The following PCDH11Y variants were observed in gnomAD, a reference collection of about 807,000 sequenced individuals.
PCDH11Y encodes protocadherin-11 Y-linked.
For synonymous variants in PCDH11Y, 9 were observed against 83.6 expected (o/e 0.11, Z 4.87); for missense variants, 12 against 224.8 (o/e 0.05, Z 6.05).
At position 5,093,864 on chromosome Y, in the gene PCDH11Y, G is replaced by A. The variant is rs2563366; in HGVS notation, c.637-4351G>A. On this transcript the variant is annotated intron_variant, in intron 1 of 1. Transcript: ENST00000215473. ...AAAATAAGAGCCACTACTTTAATTC[G>A]TGCATTTATTTATCTAACAAATGTT... Among the ~76,000 whole-genome samples the A allele has an allele frequency of 2.2e-4, 7 of 32,181 alleles. No individual in the cohort carries two copies. The East Asian group carries it at 5.7e-3, about 26-fold the overall frequency. 86.3% of individuals were successfully genotyped at this position (32,181 alleles called of 37,273 possible). A position where few individuals can be genotyped will look rare whatever the true frequency, so the allele number is the denominator to read the frequency against.
chrY:5,191,155 CG>C (rs2052911954), intron 2 of PCDH11Y, among the ~76,000 whole-genome samples: 2 of 22,132 alleles, frequency 9.0e-5, no homozygotes, highest in African/African-American at 3.4e-4. Context: ...CGGGGCCTGT[CG>C]GGGGTGGGGG....
At chrY:5,142,537 T>C in intron 2 of PCDH11Y, among the ~76,000 whole-genome samples, 1 of 32,702 alleles carries the variant, frequency 3.1e-5, no homozygotes, top group South Asian at 6.9e-4. Flanking sequence ...ACTATAAAAT[T>C]AAGGAATACA....
At chrY:5,137,649 G>A (rs2052842259) in intron 2 of PCDH11Y, among the ~76,000 whole-genome samples, 1 of 32,507 alleles carries the variant, frequency 3.1e-5, no homozygotes, top group Non-Finnish European at 7.6e-5. Context: ...AGAATTTAAA[G>A]CAACAACACG....
intron 2 of PCDH11Y, among the ~76,000 whole-genome samples, chrY:5,337,366 A>T (rs2053139328): frequency 3.0e-5 from 1 of 32,837 alleles, no homozygotes; most frequent in African/African-American, 1.2e-4. Flanking sequence ...TAAAAAAGGC[A>T]GTGATTTATA....
intron 2 of PCDH11Y, among the ~76,000 whole-genome samples, chrY:5,290,200 T>C (rs2053065896): frequency 6.0e-5 from 2 of 33,253 alleles, no homozygotes; most frequent in African/African-American, 2.4e-4. Context: ...TAAATTTCTC[T>C]GAGGATCAAT....
At chrY:5,195,332 T>C (rs1464698610) in intron 2 of PCDH11Y, among the ~76,000 whole-genome samples, 447 of 33,249 alleles carry the variant, frequency 0.013, no homozygotes, top group Non-Finnish European at 0.026. Context: ...ATCTAAAAAT[T>C]AAGATATAGT....
At chrY:5,703,483 C>T in intron 4 of PCDH11Y, among the ~76,000 whole-genome samples, 2 of 33,405 alleles carry the variant, frequency 6.0e-5, no homozygotes, top group South Asian at 1.3e-3. Flanking sequence ...TAATAAAAGA[C>T]AGTATCTTCT....
At chrY:5,178,180 C>T (rs2052895896) in intron 2 of PCDH11Y, among the ~76,000 whole-genome samples, 1 of 33,079 alleles carries the variant, frequency 3.0e-5, no homozygotes. Context: ...TGGCACAGGG[C>T]TGAAACATCA....
intron 1 of PCDH11Y, among the ~76,000 whole-genome samples, chrY:5,012,511 C>G (rs2052551800): frequency 6.5e-5 from 2 of 30,860 alleles, no homozygotes; most frequent in Admixed American, 6.0e-4. Context: ...ATGATCCTAT[C>G]ACCTTCCACC....
At chrY:5,300,382 A>C in intron 2 of PCDH11Y, among the ~76,000 whole-genome samples, 3 of 33,380 alleles carry the variant, frequency 9.0e-5, no homozygotes, top group Non-Finnish European at 2.2e-4. Context: ...ATTCAGTGTG[A>C]ATAACTATCA....
intron 2 of PCDH11Y, among the ~76,000 whole-genome samples, chrY:5,347,605 TGGGGAAA>T (rs2053153648): frequency 3.0e-5 from 1 of 33,353 alleles, no homozygotes; most frequent in Admixed American, 2.8e-4. Flanking sequence ...TATCACATTT[TGGGGAAA>T]GTTTATTCCT....
intron 2 of PCDH11Y, among the ~76,000 whole-genome samples, chrY:5,342,974 A>AAT (rs2053147036): frequency 3.4e-5 from 1 of 29,266 alleles, no homozygotes; most frequent in Non-Finnish European, 8.1e-5. Flanking sequence ...AAGAGGGTGG[A>AAT]ATATATATAT....
intron 2 of PCDH11Y, among the ~76,000 whole-genome samples, chrY:5,271,193 A>C: frequency 3.0e-5 from 1 of 33,013 alleles, no homozygotes. Context: ...AAAATAAAAA[A>C]AGCAAGACAG....
chrY:5,460,928 C>T (rs2053302610), intron 2 of PCDH11Y, among the ~76,000 whole-genome samples: 1 of 33,185 alleles, frequency 3.0e-5, no homozygotes, highest in Admixed American at 2.8e-4. Context: ...TAATTCACTG[C>T]TGTGTCATGG....
chrY:5,170,300 A>G, intron 2 of PCDH11Y, among the ~76,000 whole-genome samples: 1 of 28,448 alleles, frequency 3.5e-5, no homozygotes, highest in Non-Finnish European at 8.4e-5. Context: ...AAATTCGTCC[A>G]TACTTATAGA....
chrY:5,346,269 T>C, intron 2 of PCDH11Y, among the ~76,000 whole-genome samples: 1 of 32,764 alleles, frequency 3.1e-5, no homozygotes, highest in East Asian at 8.3e-4. Flanking sequence ...GTCTCTCTGT[T>C]GCCAGGCTGG....
chrY:5,741,437 G>A, exon 5 of PCDH11Y: 1 of 31,852 alleles, frequency 3.1e-5, no homozygotes, highest in Non-Finnish European at 7.7e-5. Context: ...CTGAAGGTGT[G>A]TATACTCCCT....
chrY:5,388,932 A>G, intron 2 of PCDH11Y, among the ~76,000 whole-genome samples: 1 of 33,882 alleles, frequency 3.0e-5, no homozygotes, highest in African/African-American at 1.2e-4. Flanking sequence ...CTTTTTAATT[A>G]GAATTATCAT....
intron 4 of PCDH11Y, among the ~76,000 whole-genome samples, chrY:5,673,950 C>A: frequency 1.3e-4 from 4 of 31,496 alleles, no homozygotes; most frequent in Non-Finnish European, 3.1e-4. Flanking sequence ...TAACTTACAC[C>A]TATTTTTGTC....
Sources: allele counts gnomAD v4.1 joint callset (sites outside exome capture counted in the v4.1 genomes callset), GRCh38; gene constraint gnomAD v4.1.1; transcripts MANE v1.5; gene names NCBI Gene and HGNC (gene_info 2026-07-23, HGNC 2026-07-21).